Variants in TXNRD1 observed in about 807,000 individuals in gnomAD.
TXNRD1 encodes thioredoxin reductase 1, cytoplasmic.
In TXNRD1, 57 loss-of-function variants were observed where a neutral mutation model predicts 80.3. That is an observed-to-expected ratio of 0.71 (90% CI 0.57 to 0.89). TXNRD1 has a LOEUF of 0.89. Among genes scored for constraint, TXNRD1 ranks in the 40% least tolerant of loss-of-function variants. The pLI, the probability that TXNRD1 is intolerant of heterozygous loss-of-function variation, is 0.00. For missense variants in TXNRD1, 730 were observed against 803.0 expected (o/e 0.91, Z 1.10); for synonymous variants, 291 against 285.2 (o/e 1.02, Z -0.20).
intron 4 of TXNRD1, chr12:104,310,055 C>G (rs1161275284): frequency 1.3e-6 from 2 of 1,535,370 alleles, no homozygotes; most frequent in Non-Finnish European, 8.7e-7. Context: ...CCTTTCACCC[C>G]CTACATCTGA....
At chr12:104,341,223 G>A (rs2036313702) in intron 16 of TXNRD1, among the ~76,000 whole-genome samples, 2 of 152,176 alleles carry the variant, frequency 1.3e-5, no homozygotes, top group South Asian at 4.1e-4. Context: ...CCATCTGTTG[G>A]TCCTCTTATG....
intron 3 of TXNRD1, among the ~76,000 whole-genome samples, chr12:104,277,891 T>TC (rs1163579160): frequency 6.6e-6 from 1 of 151,774 alleles, no homozygotes; most frequent in Admixed American, 6.6e-5. Context: ...TTTTTTTTTT[T>TC]TTTGAGACGA....
rs1010674691 is a variant in TXNRD1 at position 104,339,016 on chromosome 12, A to T, written c.1747-123A>T. ...CAGGCGTGAGCCACTGCGCCCGGCC[A>T]GTCTCTGGTCATTTTTGAGTTGGAT... On this transcript the variant is annotated intron_variant, in intron 15 of 16. Coordinates refer to ENST00000525566, the MANE Select transcript of TXNRD1 (RefSeq NM_001093771.3). 14 of 1,340,286 alleles carry T rather than the reference A, an allele frequency of 1.0e-5. No individual in the cohort carries two copies. In the African/African-American group the frequency reaches 1.8e-4, roughly 17 times the overall value. 83.0% of individuals were successfully genotyped at this position (1,340,286 alleles called of 1,614,324 possible).
chr12:104,220,093 G>A (rs191261864), intron 1 of TXNRD1, among the ~76,000 whole-genome samples: 1 of 152,246 alleles, frequency 6.6e-6, no homozygotes, highest in African/African-American at 2.4e-5. Flanking sequence ...CCTATTTCTG[G>A]GCAGAGGTGC....
chr12:104,265,640 G>A (rs943372415), intron 3 of TXNRD1: 5 of 1,607,342 alleles, frequency 3.1e-6, no homozygotes, highest in Admixed American at 1.7e-5. Flanking sequence ...CAGTGCTACC[G>A]AGACATGGGT....
chr12:104,306,564 TCAA>T (rs1158244154), intron 4 of TXNRD1, among the ~76,000 whole-genome samples: 1 of 152,198 alleles, frequency 6.6e-6, no homozygotes, highest in African/African-American at 2.4e-5. Flanking sequence ...ATCCAAAGAC[TCAA>T]CAAATGACAC....
intron 3 of TXNRD1, among the ~76,000 whole-genome samples, chr12:104,288,145 C>A (rs1003375266): frequency 1.8e-4 from 27 of 152,104 alleles, no homozygotes; most frequent in African/African-American, 6.3e-4. Flanking sequence ...CACCTGCCAC[C>A]GCGCCCGACT....
intron 1 of TXNRD1, among the ~76,000 whole-genome samples, chr12:104,223,655 A>T (rs993168920): frequency 6.6e-6 from 1 of 152,006 alleles, no homozygotes; most frequent in Non-Finnish European, 1.5e-5. Context: ...GTGGGAAGGG[A>T]GGGTGTGTCC....
Position 104,311,323 on chromosome 12 carries a change from A to C in TXNRD1, c.448A>C (p.Lys150Gln). ...YQEGRLQKLL[K>Q]MNGPEDLPKS... is the part of the protein sequence containing the mutation. ...GGAGGGCAGACTTCAAAAGCTACTAAAAATGAACGGCCCTGAAGATCTTCC... is the reference window on the plus strand; with the variant it reads ...GGAGGGCAGACTTCAAAAGCTACTACAAATGAACGGCCCTGAAGATCTTCC... The change falls in exon 5 of 17, where the codon AAA becomes CAA. Residue 150 changes from lysine to glutamine, a missense_variant. Coordinates refer to ENST00000525566, the MANE Select transcript of TXNRD1 (RefSeq NM_001093771.3). 1 of 1,609,564 alleles carries C rather than the reference A, an allele frequency of 6.2e-7. No individual in the cohort carries two copies. Among genetic ancestry groups the C allele is most frequent in the Non-Finnish European group, 8.5e-7 (1 of 1,177,672 alleles).
At chr12:104,280,262 A>G (rs2033849290) in intron 3 of TXNRD1, 1 of 151,956 alleles carries the variant, frequency 6.6e-6, no homozygotes, top group South Asian at 2.1e-4. Flanking sequence ...TTCATAAGTG[A>G]CCTCCATGAC....
rs547545865 is a variant in TXNRD1, at chr12:104,321,304, C to T, written c.1203C>T (p.Phe401=). The T allele has an allele frequency of 1.2e-5, 19 of 1,613,728 alleles. No homozygotes were observed. In the Admixed American group the frequency reaches 2.3e-4, roughly 20 times the overall value. ...EEHGIKFIRQ[F]VPIKVEQIEA... is the part of the protein sequence containing the mutation. ...ATGGCATCAAGTTTATAAGACAGTT[C>T]GTACCAATTAAAGTAAGTGGGTTTG... is the stretch of plus-strand genomic sequence containing the variant. The change falls in exon 10 of 17, where the codon TTC becomes TTT. Residue 401 remains phenylalanine, a synonymous_variant. Coordinates refer to ENST00000525566, the MANE Select transcript of TXNRD1 (RefSeq NM_001093771.3).
At chr12:104,310,653 C>A (rs1159303205) in intron 4 of TXNRD1, among the ~76,000 whole-genome samples, 1 of 152,018 alleles carries the variant, frequency 6.6e-6, no homozygotes, top group African/African-American at 2.4e-5. Context: ...AAGTCTAACA[C>A]CTAAATTATA....
chr12:104,328,758 C>CAAAAAAA (rs33918583), intron 13 of TXNRD1, among the ~76,000 whole-genome samples: 1 of 92,798 alleles, frequency 1.1e-5, no homozygotes, highest in Non-Finnish European at 2.1e-5. Context: ...GACTCTGCCT[C>CAAAAAAA]AAAAAAAAAA....
chr12:104,290,724 T>C (rs1439032782), intron 4 of TXNRD1, among the ~76,000 whole-genome samples: 8 of 55,754 alleles, frequency 1.4e-4, no homozygotes, highest in East Asian at 3.8e-4. Context: ...AATATACATA[T>C]ATATATATAT....
chr12:104,287,056 A>G, intron 3 of TXNRD1: 1 of 1,409,834 alleles, frequency 7.1e-7, no homozygotes, highest in Non-Finnish European at 9.2e-7. Context: ...AGCAGAGCGA[A>G]AGGTGGTCGA....
At chr12:104,321,051 T>C (rs746169398) in intron 9 of TXNRD1, 40 bp from the exon 10 acceptor site, 4 of 1,401,720 alleles carry the variant, frequency 2.9e-6, no homozygotes, top group South Asian at 2.5e-5. Flanking sequence ...ATAGGAACTT[T>C]CTTTTTCTTC....
At chr12:104,248,711 C>T (rs1286959798) in intron 1 of TXNRD1, among the ~76,000 whole-genome samples, 1 of 152,228 alleles carries the variant, frequency 6.6e-6, no homozygotes, top group Non-Finnish European at 1.5e-5. Context: ...GGCCTCCCTT[C>T]CACTTACGGC....
At chr12:104,274,098 T>C (rs903461316) in intron 3 of TXNRD1, among the ~76,000 whole-genome samples, 3 of 152,074 alleles carry the variant, frequency 2.0e-5, no homozygotes, top group Non-Finnish European at 4.4e-5. Context: ...AATCTATAGA[T>C]AAAGGAATTC....
intron 4 of TXNRD1, among the ~76,000 whole-genome samples, chr12:104,297,606 C>T (rs911389001): frequency 6.6e-6 from 1 of 152,074 alleles, no homozygotes; most frequent in Non-Finnish European, 1.5e-5. Flanking sequence ...CTCAGGTGAT[C>T]CGCCTGCGTC....
Sources: allele counts gnomAD v4.1 joint callset (sites outside exome capture counted in the v4.1 genomes callset), GRCh38; gene constraint gnomAD v4.1.1; transcripts MANE v1.5; gene names NCBI Gene and HGNC (gene_info 2026-07-23, HGNC 2026-07-21).